The following PDE4D variants were observed in gnomAD, a reference collection of about 807,000 sequenced individuals.
PDE4D encodes the protein phosphodiesterase 4D.
A neutral mutation model predicts 87.4 loss-of-function variants in PDE4D; 24 were observed. That is an observed-to-expected ratio of 0.27 (90% CI 0.20 to 0.39). PDE4D has a LOEUF of 0.39. PDE4D is among the 10% of genes least tolerant of loss of function. The pLI is 1.00. For missense variants in PDE4D, 714 were observed against 1,041.0 expected, an observed-to-expected ratio of 0.69 and a Z score of 4.32; for synonymous variants, 384 against 383.2, an observed-to-expected ratio of 1.00 and a Z score of -0.02.
At chr5:60,169,945 C>A (rs1470808216) in intron 2 of PDE4D, among the ~76,000 whole-genome samples, 1 of 151,900 alleles carries the variant, frequency 6.6e-6, no homozygotes, top group East Asian at 1.9e-4. Context: ...ACATGAAAAG[C>A]CTAAGAAACT....
chr5:59,746,769 T>C (rs1270837592), intron 1 of PDE4D, among the ~76,000 whole-genome samples: 1 of 152,152 alleles, frequency 6.6e-6, no homozygotes, highest in Non-Finnish European at 1.5e-5. Context: ...CCACCGAGAA[T>C]ACGGATTTAC....
intron 1 of PDE4D, among the ~76,000 whole-genome samples, chr5:59,635,665 A>G (rs1437845312): frequency 6.6e-6 from 1 of 152,238 alleles, no homozygotes; most frequent in East Asian, 1.9e-4. Context: ...TAGATGCAGA[A>G]AAGGCCTTCG....
upstream of PDE4D, among the ~76,000 whole-genome samples, chr5:59,896,043 A>T (rs1751602537): frequency 6.6e-6 from 1 of 152,174 alleles, no homozygotes; most frequent in African/African-American, 2.4e-5. Context: ...ATAATTCCAA[A>T]ATGTTATTGA....
intron 1 of PDE4D, among the ~76,000 whole-genome samples, chr5:59,451,510 T>C (rs1484148250): frequency 6.6e-6 from 1 of 152,224 alleles, no homozygotes; most frequent in African/African-American, 2.4e-5. Context: ...AGTTCAACCA[T>C]GGAACTCTTC....
At chr5:60,096,187 A>G (rs6876329) in intron 2 of PDE4D, among the ~76,000 whole-genome samples, 151,560 of 152,204 alleles carry the variant, frequency 1, 75,488 homozygotes, top group Middle Eastern at 1. Flanking sequence ...GTCCTGAATG[A>G]TATTTTCTAG....
At chr5:59,621,015 T>A (rs1292766556) in intron 1 of PDE4D, among the ~76,000 whole-genome samples, 1 of 152,184 alleles carries the variant, frequency 6.6e-6, no homozygotes, top group Non-Finnish European at 1.5e-5. Flanking sequence ...TTCCTCTTTT[T>A]TTTTTGTGGC....
intron 2 of PDE4D, chr5:60,030,796 C>T (rs1436470694): frequency 6.6e-6 from 1 of 152,156 alleles, no homozygotes; most frequent in African/African-American, 2.4e-5. Flanking sequence ...ACTCACACTA[C>T]CTCGTAAGGA....
At chr5:59,582,248 T>G (rs1824297223) in intron 1 of PDE4D, among the ~76,000 whole-genome samples, 2 of 152,298 alleles carry the variant, frequency 1.3e-5, no homozygotes, top group South Asian at 4.1e-4. Context: ...ACTTGATACG[T>G]CATTTCCTTC....
chr5:59,857,163 T>C (rs565151056), intron 1 of PDE4D, among the ~76,000 whole-genome samples: 57 of 152,190 alleles, frequency 3.7e-4, no homozygotes, highest in Non-Finnish European at 7.8e-4. Context: ...ACCTTGGTCA[T>C]GTGTGCTAAA....
At chr5:59,864,327 T>C (rs6873207) in intron 1 of PDE4D, among the ~76,000 whole-genome samples, 381 of 152,338 alleles carry the variant, frequency 2.5e-3, no homozygotes, top group African/African-American at 8.6e-3. Context: ...ATTTTTGCAA[T>C]TGAAATCGTA....
intron 1 of PDE4D, among the ~76,000 whole-genome samples, chr5:60,270,035 C>T (rs915830641): frequency 2.6e-5 from 4 of 152,070 alleles, no homozygotes; most frequent in Admixed American, 6.5e-5. Context: ...GGAACACATG[C>T]TAAAGGGAAA....
chr5:59,474,570 A>G (rs561209718), intron 1 of PDE4D, among the ~76,000 whole-genome samples: 2 of 152,140 alleles, frequency 1.3e-5, no homozygotes, highest in Admixed American at 6.6e-5. Flanking sequence ...GATTCATTAC[A>G]TCATTTTTCC....
chr5:60,285,108 T>A (rs928422267), intron 1 of PDE4D, among the ~76,000 whole-genome samples: 9 of 145,534 alleles, frequency 6.2e-5, no homozygotes, highest in East Asian at 5.8e-4. Flanking sequence ...CTACAGTAAT[T>A]TTTTTAGCAA....
At chr5:59,570,188 C>A (rs867379347) in intron 1 of PDE4D, among the ~76,000 whole-genome samples, 88 of 151,912 alleles carry the variant, frequency 5.8e-4, no homozygotes, top group Non-Finnish European at 1.1e-3. Context: ...TTAAAAAAAA[C>A]CCACATTCTT....
chr5:60,106,828 A>G lies in PDE4D; in HGVS notation c.42+78729T>C, dbSNP rs1776996934. Reference sequence around the variant, plus strand: ...AAACCAACGAGAACAAAGACACAACATACCAGAATCTCTGGGACACATTCA... The same window carrying G: ...AAACCAACGAGAACAAAGACACAACGTACCAGAATCTCTGGGACACATTCA... On this transcript the variant is annotated intron_variant, in intron 2 of 16. Coordinates refer to the PDE4D transcript ENST00000502484. Among the ~76,000 whole-genome samples, 3 of 152,132 alleles carry G rather than the reference A, an allele frequency of 2.0e-5. No homozygotes were observed. In the South Asian group the frequency reaches 6.2e-4, roughly 32 times the overall value.
chr5:59,777,567 C>G (rs566312882), intron 1 of PDE4D, among the ~76,000 whole-genome samples: 20 of 152,254 alleles, frequency 1.3e-4, no homozygotes, highest in Middle Eastern at 3.4e-3. Context: ...GGCTCGAGCT[C>G]CTGAATTTCC....
intron 1 of PDE4D, among the ~76,000 whole-genome samples, chr5:59,568,046 T>A (rs554384522): frequency 3.5e-4 from 54 of 152,290 alleles, no homozygotes; most frequent in African/African-American, 1.3e-3. Flanking sequence ...CATTTTCCAA[T>A]GAAAGGAACG....
rs1809550242 is a variant in PDE4D, at chr5:59,507,738, A to T, written c.456-291770T>A. ...TTCCAAATACAGTGTTGAGGAAAAGAAGCTAGAGAACAAAGAACACACTCT... is the reference window on the plus strand; with the variant it reads ...TTCCAAATACAGTGTTGAGGAAAAGTAGCTAGAGAACAAAGAACACACTCT... On this transcript the variant is annotated intron_variant, in intron 1 of 14. Coordinates refer to ENST00000340635, the MANE Select transcript of PDE4D (RefSeq NM_001104631.2). Among the ~76,000 whole-genome samples, 3 of 151,908 alleles carry T rather than the reference A, an allele frequency of 2.0e-5. No individual in the cohort carries two copies. The South Asian group carries it at 6.2e-4, about 32-fold the overall frequency.
At chr5:59,931,354 G>A (rs936493867) in intron 3 of PDE4D, among the ~76,000 whole-genome samples, 1 of 152,144 alleles carries the variant, frequency 6.6e-6, no homozygotes, top group Admixed American at 6.5e-5. Context: ...GATTAATTTG[G>A]TTTACATGCT....
Sources: gnomAD v4.1 joint callset for allele counts (sites outside exome capture counted in the v4.1 genomes callset) on GRCh38, gnomAD v4.1.1 for gene constraint, MANE v1.5 for transcripts, NCBI Gene and HGNC (gene_info 2026-07-23, HGNC 2026-07-21) for gene names.